C3orf52: variants seen among roughly 807,000 people sequenced by gnomAD.
C3orf52 encodes the protein TPA-induced transmembrane protein.
C3orf52 carries 22 observed loss-of-function variants against 24.8 expected under a neutral mutation model. That is an observed-to-expected ratio of 0.89 (90% CI 0.63 to 1.27). The LOEUF (loss-of-function observed/expected upper bound fraction) is 1.27, where lower values mean the gene tolerates loss of function less well. Ranked by LOEUF, C3orf52 falls within the 50% of genes most tolerant of loss-of-function variation. The probability of loss-of-function intolerance (pLI) is 0.00; values close to 1 mark genes in which losing one functional copy is unlikely to be tolerated. For synonymous variants in C3orf52, 93 were observed against 100.2 expected (o/e 0.93, Z 0.43); for missense variants, 265 against 260.7 (o/e 1.02, Z -0.11).
rs778923035 is a variant in C3orf52, at chr3:112,086,538, C to A, written c.131C>A (p.Pro44Gln). 6.4e-7 allele frequency: 1 copy of A among 1,550,828 alleles called. No homozygotes were observed. The highest frequency in any genetic ancestry group is 2.4e-5 in the East Asian group (1 of 40,860). Residue 44 changes from proline to glutamine, a missense_variant, in exon 1 of 6, where the codon CCG becomes CAG. By Grantham distance (76) the Pro-to-Gln change is moderately conservative. Coordinates refer to ENST00000264848, the MANE Select transcript of C3orf52 (RefSeq NM_024616.3). ...CCTTCTTTGGACGAGGAGGTCCCCC[C>A]GGCCGAGGTAAGGTCCCCTTGGCGC... ...VFPSLDEEVP[P>Q]AEANKESPWS...
rs563794853 is a variant in C3orf52, at chr3:112,108,941, A to G, written c.397-602A>G. On this transcript the variant is annotated intron_variant, in intron 3 of 5. Transcript: ENST00000264848. ...TTCTTAAATTAAAGGGCTGAACCCA[A>G]TATAGCAAATATGAAGACATGAAAG... Among the ~76,000 whole-genome samples the G allele has an allele frequency of 6.6e-5, 10 of 152,344 alleles. No individual in the cohort carries two copies. In the East Asian group the frequency reaches 1.5e-3, roughly 24 times the overall value.
downstream of C3orf52, chr3:112,129,761 A>G (rs888820272): frequency 6.6e-6 from 1 of 152,204 alleles, no homozygotes; most frequent in Non-Finnish European, 1.5e-5. Context: ...TTGGTGTTAG[A>G]AAATAACAAC....
chr3:112,100,108 A>G (rs780728173), intron 2 of C3orf52, among the ~76,000 whole-genome samples: 20 of 152,112 alleles, frequency 1.3e-4, no homozygotes, highest in Non-Finnish European at 2.5e-4. Context: ...AGTCTGTTCC[A>G]AACTTGTGCC....
At chr3:112,119,605 A>G (rs1257871978), downstream of C3orf52, 5 of 693,892 alleles carry the variant, frequency 7.2e-6, no homozygotes, top group Middle Eastern at 2.3e-4. Context: ...AATTCTGGAC[A>G]TGAATCCTGT....
intron 2 of C3orf52, among the ~76,000 whole-genome samples, chr3:112,098,507 GA>G (rs2073944992): frequency 6.6e-6 from 1 of 152,132 alleles, no homozygotes; most frequent in Non-Finnish European, 1.5e-5. Flanking sequence ...CAATTTTCCT[GA>G]GTTTTGGAAG....
At chr3:112,093,533 T>C in intron 2 of C3orf52, 44 bp downstream of exon 2, 2 of 1,570,334 alleles carry the variant, frequency 1.3e-6, no homozygotes, top group Non-Finnish European at 1.7e-6. Context: ...TTTAAGAACT[T>C]ACTTAAGGCT....
chr3:112,123,797 T>C (rs1444005414), intron 4 of C3orf52: 1 of 1,597,144 alleles, frequency 6.3e-7, no homozygotes, highest in Non-Finnish European at 8.5e-7. Flanking sequence ...AGAACCATCA[T>C]CAAGATTTGG....
chr3:112,099,002 T>C (rs1180381939), intron 2 of C3orf52, among the ~76,000 whole-genome samples: 2 of 152,120 alleles, frequency 1.3e-5, no homozygotes, highest in East Asian at 3.9e-4. Context: ...AGATTTCCCC[T>C]TTGCTATTCT....
intron 2 of C3orf52, among the ~76,000 whole-genome samples, chr3:112,102,161 C>A (rs2073978419): frequency 1.3e-5 from 2 of 152,054 alleles, no homozygotes; most frequent in Admixed American, 1.3e-4. Context: ...GGGGAGACTT[C>A]AAGACATGGA....
intron 3 of C3orf52, among the ~76,000 whole-genome samples, chr3:112,108,580 GATC>G (rs2074049421): frequency 6.6e-6 from 1 of 152,208 alleles, no homozygotes; most frequent in Admixed American, 6.5e-5. Context: ...TAGTGCATGT[GATC>G]ATCATCAGAG....
chr3:112,095,329 A>G (rs764098614), intron 2 of C3orf52, among the ~76,000 whole-genome samples: 1 of 152,184 alleles, frequency 6.6e-6, no homozygotes, highest in African/African-American at 2.4e-5. Flanking sequence ...GAGTAGCACA[A>G]TCTTGTCCTG....
chr3:112,107,888 C>T (rs1012357853), intron 3 of C3orf52, among the ~76,000 whole-genome samples: 3 of 152,172 alleles, frequency 2.0e-5, no homozygotes, highest in Non-Finnish European at 2.9e-5. Context: ...GGAAGTGCAG[C>T]GTCCTTGACA....
At chr3:112,113,341 G>A (rs549837061) in intron 5 of C3orf52, among the ~76,000 whole-genome samples, 196 bp downstream of exon 5, 2 of 152,234 alleles carry the variant, frequency 1.3e-5, no homozygotes, top group African/African-American at 2.4e-5. Flanking sequence ...TACACAGTCC[G>A]TGCCCTCCAT....
rs146499813 is a variant in C3orf52 at position 112,112,837 on chromosome 3, A to C, written c.468-127A>C. On this transcript the variant is annotated intron_variant, in intron 4 of 5. Transcript: ENST00000264848. ...GGACAGTATGTTCTTCCAGGACAGA[A>C]CATTCTTTGCTATTTTGTACTGGAA... 4.3e-5 allele frequency: 34 copies of C among 793,282 alleles called. No individual in the cohort carries two copies. In the East Asian group the frequency reaches 8.6e-4, roughly 20 times the overall value. 49.1% of individuals were successfully genotyped at this position (793,282 alleles called of 1,614,324 possible). A position where few individuals can be genotyped will look rare whatever the true frequency, so the allele number is the denominator to read the frequency against.
At chr3:112,090,144 G>A (rs960503238) in intron 1 of C3orf52, among the ~76,000 whole-genome samples, 5 of 152,140 alleles carry the variant, frequency 3.3e-5, no homozygotes, top group Admixed American at 6.5e-5. Context: ...CTGTGTCACA[G>A]GCTCTTCACC....
At position 112,113,064 on chromosome 3, in the gene C3orf52, A is replaced by G. The variant is rs759150543; in HGVS notation, c.568A>G (p.Ile190Val). The G allele has an allele frequency of 3.1e-6, 5 of 1,610,698 alleles. No individual in the cohort carries two copies. Among genetic ancestry groups the G allele is most frequent in the East Asian group, 2.2e-5 (1 of 44,842 alleles). ...YMMSEELVLG[I>V]LLQDFRDQNI... ...GATGAGTGAGGAGTTGGTGCTGGGC[A>G]TTTTGCTACAGGATTTCCGTGATCA... The change falls in exon 5 of 6, where the codon ATT becomes GTT. Residue 190 changes from isoleucine (I) to valine (V), a missense_variant. Transcript: ENST00000264848.
At chr3:112,122,980 G>A (rs1183950385), downstream of C3orf52, 2 of 176,330 alleles carry the variant, frequency 1.1e-5, no homozygotes, top group East Asian at 3.1e-4. Context: ...GACACATGGA[G>A]TGAGAGGAGC....
At chr3:112,087,741 C>T (rs1201276863) in intron 1 of C3orf52, among the ~76,000 whole-genome samples, 1 of 152,188 alleles carries the variant, frequency 6.6e-6, no homozygotes, top group East Asian at 1.9e-4. Context: ...GTGGCCACAA[C>T]TGTGAACTGG....
intron 3 of C3orf52, among the ~76,000 whole-genome samples, chr3:112,107,584 T>C (rs1238743442): frequency 6.6e-6 from 1 of 152,226 alleles, no homozygotes; most frequent in African/African-American, 2.4e-5. Context: ...CACTGGGTAG[T>C]GTGGTCAGAT....
Sources: gnomAD v4.1 joint callset for allele counts (sites outside exome capture counted in the v4.1 genomes callset) on GRCh38, gnomAD v4.1.1 for gene constraint, MANE v1.5 for transcripts, NCBI Gene and HGNC (gene_info 2026-07-23, HGNC 2026-07-21) for gene names.